Variants in ADAMTSL1 observed in about 807,000 individuals in gnomAD.
The protein encoded by ADAMTSL1 is ADAMTS like 1.
ADAMTSL1 carries 126 observed loss-of-function variants against 201.8 expected under a neutral mutation model. The ratio of observed to expected loss-of-function variants is 0.62; its 90% CI spans 0.54 to 0.72. The LOEUF is 0.72. Ranked by LOEUF, ADAMTSL1 falls within the 30% of genes least tolerant of loss-of-function variation. The probability of loss-of-function intolerance (pLI) is 0.00; values close to 1 mark genes in which losing one functional copy is unlikely to be tolerated. For missense variants in ADAMTSL1, 2,679 were observed against 2,277.8 expected (o/e 1.18, Z -3.59); for synonymous variants, 1,121 against 903.4 (o/e 1.24, Z -4.32).
At chr9:18,352,503 C>T (rs1231534902) in intron 2 of ADAMTSL1, among the ~76,000 whole-genome samples, 1 of 152,196 alleles carries the variant, frequency 6.6e-6, no homozygotes. Context: ...TGTCCCAGTG[C>T]ATGTCTTCTC....
rs370940110 is a variant in ADAMTSL1, at chr9:18,681,697, T to TGTG, written c.1342-114_1342-113insTGG. 1.3e-3 allele frequency: 305 copies of TGTG among 240,244 alleles called. 2 individuals are homozygous for TGTG. Among genetic ancestry groups the TGTG allele is most frequent in the African/African-American group, 2.3e-3 (35 of 15,470 alleles). The allele number at this position is 240,244 out of a possible 1,614,324, so 14.9% of individuals were successfully genotyped here. ...TATAAATTTACCAGGAGTCCTCGTG[T>TGTG]GGGGGGGGGGGGCGGGGAAAAAGAA... is the stretch of plus-strand genomic sequence containing the variant. On this transcript the variant is annotated intron_variant, in intron 11 of 28. Coordinates refer to ENST00000380548, the MANE Select transcript of ADAMTSL1 (RefSeq NM_001040272.6).
chr9:18,350,230 C>T (rs1235525733), intron 2 of ADAMTSL1, among the ~76,000 whole-genome samples: 2 of 152,070 alleles, frequency 1.3e-5, no homozygotes, highest in African/African-American at 4.8e-5. Context: ...GGGCCAGACT[C>T]ATGCAGTGGG....
At chr9:18,845,047 G>A (rs544740915) in intron 23 of ADAMTSL1, among the ~76,000 whole-genome samples, 1 of 152,284 alleles carries the variant, frequency 6.6e-6, no homozygotes, top group East Asian at 1.9e-4. Flanking sequence ...TGCACCCACT[G>A]TCCTGCACCC....
intron 3 of ADAMTSL1, among the ~76,000 whole-genome samples, chr9:18,544,102 C>G (rs998992066): frequency 6.6e-6 from 1 of 152,126 alleles, no homozygotes; most frequent in South Asian, 2.1e-4. Flanking sequence ...CTTCTCGTAG[C>G]CTCAGTTTCC....
intron 1 of ADAMTSL1, among the ~76,000 whole-genome samples, chr9:18,041,484 C>G (rs1263516124): frequency 6.6e-6 from 1 of 152,066 alleles, no homozygotes; most frequent in Admixed American, 6.6e-5. Flanking sequence ...AAACATTTGA[C>G]ACTATTATAA....
intron 2 of ADAMTSL1, among the ~76,000 whole-genome samples, chr9:18,446,974 T>A (rs1820216131): frequency 6.6e-6 from 1 of 152,060 alleles, no homozygotes. Context: ...CATGAACATT[T>A]TTTTTTTTAA....
At chr9:18,815,946 A>C (rs1823822481) in intron 20 of ADAMTSL1, among the ~76,000 whole-genome samples, 1 of 152,170 alleles carries the variant, frequency 6.6e-6, no homozygotes. Context: ...TATAAAAATC[A>C]AATTAGGGTA....
chr9:17,930,103 A>T (rs1190438869), intron 1 of ADAMTSL1, among the ~76,000 whole-genome samples: 1 of 152,212 alleles, frequency 6.6e-6, no homozygotes, highest in African/African-American at 2.4e-5. Context: ...AATATTAGCT[A>T]CTATAGTAGA....
At chr9:18,475,064 A>C (rs947336883) in intron 1 of ADAMTSL1, among the ~76,000 whole-genome samples, 7 of 152,178 alleles carry the variant, frequency 4.6e-5, no homozygotes, top group African/African-American at 1.7e-4. Flanking sequence ...TGTCCAAAAT[A>C]AATCTACACT....
intron 1 of ADAMTSL1, among the ~76,000 whole-genome samples, chr9:18,158,082 G>A (rs1454320921): frequency 1.3e-5 from 2 of 151,920 alleles, no homozygotes; most frequent in Non-Finnish European, 1.5e-5. Context: ...TTTATTCAGT[G>A]ACAATGTCCT....
intron 1 of ADAMTSL1, among the ~76,000 whole-genome samples, chr9:17,955,983 C>A (rs896502790): frequency 1.3e-5 from 2 of 152,094 alleles, no homozygotes; most frequent in African/African-American, 2.4e-5. Flanking sequence ...TAAAACAAAT[C>A]TGAAAGCTTT....
chr9:18,641,731 C>A (rs1827452750), intron 7 of ADAMTSL1, among the ~76,000 whole-genome samples: 2 of 151,770 alleles, frequency 1.3e-5, no homozygotes, highest in Admixed American at 6.6e-5. Flanking sequence ...TCTAGTACTT[C>A]GTAATGAAAC....
chr9:17,935,560 A>C (rs7031329), intron 1 of ADAMTSL1, among the ~76,000 whole-genome samples: 10 of 152,112 alleles, frequency 6.6e-5, no homozygotes, highest in African/African-American at 2.2e-4. Context: ...CAAAAGCAAA[A>C]TAAAACAACA....
At chr9:17,919,022 T>C (rs1826204323) in intron 1 of ADAMTSL1, among the ~76,000 whole-genome samples, 2 of 151,914 alleles carry the variant, frequency 1.3e-5, no homozygotes, top group Non-Finnish European at 2.9e-5. Flanking sequence ...ATTTTTTTAA[T>C]ATAATAGTTA....
chr9:18,372,706 A>G (rs898703459), intron 2 of ADAMTSL1, among the ~76,000 whole-genome samples: 2 of 152,192 alleles, frequency 1.3e-5, no homozygotes, highest in African/African-American at 4.8e-5. Flanking sequence ...CTCTTAATTG[A>G]AGGCTTGCTC....
intron 2 of ADAMTSL1, among the ~76,000 whole-genome samples, chr9:18,234,756 A>G (rs939003665): frequency 2.0e-5 from 3 of 152,178 alleles, no homozygotes; most frequent in Non-Finnish European, 2.9e-5. Flanking sequence ...AAATTATAAA[A>G]TGCCTCCTAT....
chr9:18,311,237 G>T (rs948666936), intron 2 of ADAMTSL1, among the ~76,000 whole-genome samples: 1 of 151,994 alleles, frequency 6.6e-6, no homozygotes, highest in African/African-American at 2.4e-5. Context: ...ATAGCATTAG[G>T]AGAAATACCT....
At chr9:18,876,494 C>T (rs1441125789) in intron 23 of ADAMTSL1, among the ~76,000 whole-genome samples, 1 of 152,058 alleles carries the variant, frequency 6.6e-6, no homozygotes, top group Non-Finnish European at 1.5e-5. Context: ...AAAAGACTAT[C>T]TTTCCTTCAT....
intron 2 of ADAMTSL1, among the ~76,000 whole-genome samples, chr9:18,275,271 T>G (rs1347456112): frequency 6.6e-6 from 1 of 152,194 alleles, no homozygotes; most frequent in Non-Finnish European, 1.5e-5. Context: ...TTGTGCGCAT[T>G]ACTTTATAGC....
Sources: allele counts gnomAD v4.1 joint callset (sites outside exome capture counted in the v4.1 genomes callset), GRCh38; gene constraint gnomAD v4.1.1; transcripts MANE v1.5; gene names NCBI Gene and HGNC (gene_info 2026-07-23, HGNC 2026-07-21).